The following NWD2 variants were observed in gnomAD, a reference collection of about 807,000 sequenced individuals.
The protein encoded by NWD2 is NACHT and WD repeat domain containing 2, also known as NACHT and WD repeat domain-containing protein 2.
Under a neutral mutation model 132.7 loss-of-function variants are expected in NWD2, and 37 were observed. The observed-to-expected ratio is 0.28, with a 90% CI of 0.21 to 0.37. NWD2 has a LOEUF of 0.37. Among genes scored for constraint, NWD2 ranks in the 10% least tolerant of loss-of-function variants. The pLI is 1.00. For missense variants in NWD2, 1,592 were observed against 2,122.4 expected (o/e 0.75, Z 4.91); for synonymous variants, 705 against 803.0 (o/e 0.88, Z 2.06).
chr4:37,281,549 T>C (rs138340008), intron 1 of NWD2, among the ~76,000 whole-genome samples: 1 of 152,192 alleles, frequency 6.6e-6, no homozygotes, highest in East Asian at 1.9e-4. Flanking sequence ...GACCCATCTC[T>C]CCGCTTAAGT....
chr4:37,440,052 C>G (rs1356294829), intron 6 of NWD2, among the ~76,000 whole-genome samples: 3 of 141,016 alleles, frequency 2.1e-5, no homozygotes, highest in Non-Finnish European at 4.9e-5. Context: ...AAAGCTGCCT[C>G]CCATCTCTTT....
rs150329322 is a variant in NWD2 at position 37,377,106 on chromosome 4, T to C, written c.357+20624T>C. Among the ~76,000 whole-genome samples the C allele has an allele frequency of 6.6e-3, 1,006 of 152,324 alleles. 11 individuals are homozygous for C. Among genetic ancestry groups the C allele is most frequent in the African/African-American group, 0.023 (948 of 41,578 alleles). The stretch of plus-strand genomic sequence containing the variant: ...GGCAGCTTTTAGAGATTAAACTGTT[T>C]GCTGACCACTTTCTTTAGGACAGAC... On this transcript the variant is annotated intron_variant, in intron 3 of 6. Coordinates refer to ENST00000309447, the MANE Select transcript of NWD2 (RefSeq NM_001144990.2).
intron 1 of NWD2, among the ~76,000 whole-genome samples, chr4:37,310,042 G>T (rs1718798895): frequency 6.6e-6 from 1 of 151,984 alleles, no homozygotes; most frequent in South Asian, 2.1e-4. Context: ...ATGACCTTTT[G>T]CATGTTTTTC....
Position 37,431,945 on chromosome 4 carries a change from AATTT to A in NWD2, c.561+1174_561+1177del, listed in dbSNP as rs1490645138. On this transcript the variant is annotated intron_variant, in intron 4 of 6. Coordinates refer to ENST00000309447, the MANE Select transcript of NWD2 (RefSeq NM_001144990.2). ...TTATTAAACAATAATTTAATGAAAT[AATTT>A]ATTATTAATTCTTAATATTAATTGG... Among the ~76,000 whole-genome samples the A allele has an allele frequency of 2.4e-4, 37 of 151,950 alleles. 1 individual carries two copies. Among genetic ancestry groups the A allele is most frequent in the Middle Eastern group, 3.4e-3 (1 of 294 alleles).
intron 1 of NWD2, among the ~76,000 whole-genome samples, chr4:37,282,490 G>A (rs555514406): frequency 6.6e-6 from 1 of 152,258 alleles, no homozygotes; most frequent in African/African-American, 2.4e-5. Flanking sequence ...CTGTCTCCCT[G>A]TTAAATAAAC....
chr4:37,342,544 G>C lies in NWD2; in HGVS notation c.241-13822G>C, dbSNP rs1215647059. Among the ~76,000 whole-genome samples the C allele has an allele frequency of 2.0e-5, 3 of 152,148 alleles. No individual in the cohort carries two copies. In the East Asian group the frequency reaches 5.8e-4, roughly 29 times the overall value. The stretch of plus-strand genomic sequence containing the variant: ...GAAGCTGGTCCCCACTGGCAGCCTG[G>C]TTCAAGTTCCTTTATGCAGTGAATT... On this transcript the variant is annotated intron_variant, in intron 2 of 6. Coordinates refer to ENST00000309447, the MANE Select transcript of NWD2 (RefSeq NM_001144990.2).
intron 2 of NWD2, among the ~76,000 whole-genome samples, chr4:37,347,898 C>A: frequency 6.6e-6 from 1 of 152,216 alleles, no homozygotes; most frequent in East Asian, 1.9e-4. Flanking sequence ...TTGGTTTGTG[C>A]ATGGCACAAC....
intron 3 of NWD2, among the ~76,000 whole-genome samples, chr4:37,364,103 A>C (rs1720038525): frequency 1.3e-5 from 2 of 152,208 alleles, no homozygotes; most frequent in Non-Finnish European, 2.9e-5. Flanking sequence ...ACACCACTGC[A>C]TTCCAGCCTG....
At chr4:37,391,706 T>G (rs1222409145) in intron 3 of NWD2, among the ~76,000 whole-genome samples, 1 of 152,116 alleles carries the variant, frequency 6.6e-6, no homozygotes, top group Non-Finnish European at 1.5e-5. Context: ...ACCTTCCAGG[T>G]AAAGCCATCC....
At chr4:37,429,217 G>C (rs1712102309) in intron 3 of NWD2, among the ~76,000 whole-genome samples, 1 of 151,966 alleles carries the variant, frequency 6.6e-6, no homozygotes, top group South Asian at 2.1e-4. Context: ...ATGTTTCTTA[G>C]GTATGTTTGT....
chr4:37,324,261 C>CA (rs1719127246), intron 1 of NWD2, among the ~76,000 whole-genome samples: 1 of 152,062 alleles, frequency 6.6e-6, no homozygotes, highest in Admixed American at 6.6e-5. Context: ...TTTTAAGAAA[C>CA]AATAAGTTTC....
At chr4:37,292,499 A>G (rs890792807) in intron 1 of NWD2, among the ~76,000 whole-genome samples, 1 of 152,156 alleles carries the variant, frequency 6.6e-6, no homozygotes, top group Non-Finnish European at 1.5e-5. Context: ...ACTGTGAGAA[A>G]TAAGTTTCTA....
In NWD2 at chr4:37,273,175, GT is replaced by G. The variant is rs558127765; in HGVS notation, c.151+27960del. On this transcript the variant is annotated intron_variant, in intron 1 of 6. Transcript: ENST00000309447. ...CTTTTGCTGGATATAAATTTTTCTAGTTTAACAGATTTTTTTATTGCCCTCT... is the reference window on the plus strand; with the variant it reads ...CTTTTGCTGGATATAAATTTTTCTAGTTAACAGATTTTTTTATTGCCCTCT... 1.7e-3 allele frequency among the ~76,000 whole-genome samples: 264 copies of G among 151,852 alleles called. 1 individual carries two copies. Among genetic ancestry groups the G allele is most frequent in the African/African-American group, 6.1e-3 (253 of 41,458 alleles).
In NWD2 at chr4:37,447,211, T is replaced by C; in HGVS notation, c.5223T>C (p.Asp1741=). Residue 1741 remains aspartate, a synonymous_variant, in exon 7 of 7, where the codon GAT becomes GAC. Transcript: ENST00000309447. The stretch of plus-strand genomic sequence containing the variant: ...CCAGGGGCCACAGCTATGCCCCTGA[T>C]AACTGACAAAATGTTTTCCAGCTAA... ...LEARGHSYAP[D]N 6.5e-7 allele frequency: 1 copy of C among 1,543,676 alleles called. No homozygotes were observed. Among genetic ancestry groups the C allele is most frequent in the South Asian group, 1.2e-5 (1 of 83,640 alleles).
At chr4:37,255,085 C>A (rs1717487220) in intron 1 of NWD2, among the ~76,000 whole-genome samples, 1 of 152,170 alleles carries the variant, frequency 6.6e-6, no homozygotes, top group Non-Finnish European at 1.5e-5. Flanking sequence ...CTAGCAAACA[C>A]CTAATTGGTT....
At chr4:37,294,748 T>C (rs1310285631) in intron 1 of NWD2, among the ~76,000 whole-genome samples, 1 of 152,174 alleles carries the variant, frequency 6.6e-6, no homozygotes, top group Non-Finnish European at 1.5e-5. Context: ...TATTAAGACA[T>C]CAAAGAGTAA....
intron 3 of NWD2, among the ~76,000 whole-genome samples, chr4:37,369,339 A>G (rs1258449390): frequency 1.3e-5 from 2 of 152,066 alleles, no homozygotes; most frequent in Non-Finnish European, 2.9e-5. Context: ...CCTAATGGTG[A>G]AGTCTGGGAT....
Position 37,356,388 on chromosome 4 carries a change from T to C in NWD2, c.263T>C (p.Val88Ala), listed in dbSNP as rs1719872130. The change falls in exon 3 of 7, where the codon GTG becomes GCG. Residue 88 changes from valine (V) to alanine (A), a missense_variant. Coordinates refer to ENST00000309447, the MANE Select transcript of NWD2 (RefSeq NM_001144990.2). The part of the protein sequence containing the change: ...EFQVIDLYWG[V>A]EEDEWDSPEL... ...CAGGTCATAGATCTGTACTGGGGAG[T>C]GGAAGAAGATGAGTGGGACAGCCCA... 2 of 1,550,102 alleles carry C rather than the reference T, an allele frequency of 1.3e-6. No homozygotes were observed. The highest frequency in any genetic ancestry group is 1.7e-6 in the Non-Finnish European group (2 of 1,145,968).
Position 37,445,512 on chromosome 4 carries a change from C to G in NWD2, c.3524C>G (p.Ser1175Cys). The G allele has an allele frequency of 6.4e-7, 1 of 1,551,842 alleles. No homozygotes were observed. Among genetic ancestry groups the G allele is most frequent in the South Asian group, 1.2e-5 (1 of 84,058 alleles). Residue 1175 changes from serine (S) to cysteine (C), a missense_variant, in exon 7 of 7, where the codon TCC (serine) becomes TGC (cysteine). Ser to Cys is a moderately radical substitution (Grantham distance 112). This residue lies in a region of NWD2 where 1,071 missense variants were observed against 1,398.0 expected (regional missense o/e 0.77). Transcript: ENST00000309447. This position sits in a 1 kb window ranked among gnomAD's most constrained non-coding sequence, Gnocchi z 4.7. ...SLSVWNTEDI[S>C]SPQLTDDFDC... ...TCTGTTTGGAATACTGAGGACATTT[C>G]CAGCCCCCAGCTGACTGATGACTTT...
Sources: allele counts gnomAD v4.1 joint callset (sites outside exome capture counted in the v4.1 genomes callset), GRCh38; gene constraint gnomAD v4.1.1; regional missense constraint gnomAD v4.1.1; non-coding constraint Gnocchi (gnomAD v3.1); transcripts MANE v1.5; gene names NCBI Gene and HGNC (gene_info 2026-07-23, HGNC 2026-07-21).